The following INTS7 variants were observed in gnomAD, a reference collection of about 807,000 sequenced individuals.
INTS7 encodes chromosome 1 open reading frame 73.
Under a neutral mutation model 109.2 loss-of-function variants are expected in INTS7, and 46 were observed. That is an observed-to-expected ratio of 0.42 (90% CI 0.33 to 0.54). The LOEUF (loss-of-function observed/expected upper bound fraction) is 0.54. INTS7 is among the 20% of genes least tolerant of loss of function. The probability of loss-of-function intolerance (pLI) is 0.07; values close to 1 mark genes in which losing one functional copy is unlikely to be tolerated. For missense variants in INTS7, 929 were observed against 1,132.4 expected, an observed-to-expected ratio of 0.82 and a Z score of 2.58; for synonymous variants, 412 against 402.9, an observed-to-expected ratio of 1.02 and a Z score of -0.27.
intron 7 of INTS7, among the ~76,000 whole-genome samples, chr1:212,001,866 A>T (rs1460821760): frequency 6.6e-6 from 1 of 152,136 alleles, no homozygotes; most frequent in African/African-American, 2.4e-5. Context: ...TCAGTTCATC[A>T]TTCCCTAAAT....
Position 212,011,435 on chromosome 1 carries a change from G to A in INTS7, c.510-14C>T, listed in dbSNP as rs1558052695. On this transcript the variant is annotated splice_polypyrimidine_tract_variant and intron_variant, in intron 4 of 19. Transcript: ENST00000366994. ...ACAGCAAAATCCCTTTGGAAAAAGA[G>A]AACAGAGAACAGAAAAAACTTACAT... The A allele has an allele frequency of 1.3e-6, 2 of 1,532,648 alleles. No homozygotes were observed. The highest frequency in any genetic ancestry group is 1.8e-6 in the Non-Finnish European group (2 of 1,121,360). 94.9% of individuals were successfully genotyped at this position (1,532,648 alleles called of 1,614,324 possible).
At chr1:211,992,481 T>C (rs1359399729) in intron 7 of INTS7, among the ~76,000 whole-genome samples, 1 of 152,088 alleles carries the variant, frequency 6.6e-6, no homozygotes, top group Non-Finnish European at 1.5e-5. Flanking sequence ...TAAATATTCG[T>C]TTAAGCCTGG....
At chr1:211,981,743 G>T (rs906880998) in intron 9 of INTS7, among the ~76,000 whole-genome samples, 1 of 152,038 alleles carries the variant, frequency 6.6e-6, no homozygotes, top group African/African-American at 2.4e-5. Flanking sequence ...CACTACCATA[G>T]GGTTAAAATT....
At chr1:211,983,841 G>GTTCGT (rs772200468) in intron 8 of INTS7, among the ~76,000 whole-genome samples, 20 of 137,202 alleles carry the variant, frequency 1.5e-4, no homozygotes, top group African/African-American at 4.9e-4. Flanking sequence ...TTGGGTTTTT[G>GTTCGT]TTTGTTTTGT....
chr1:211,995,805 G>T (rs1665355809), intron 7 of INTS7, among the ~76,000 whole-genome samples: 1 of 152,134 alleles, frequency 6.6e-6, no homozygotes, highest in African/African-American at 2.4e-5. Flanking sequence ...GAAGCACAAG[G>T]GAGTGTGGTC....
chr1:211,957,068 C>T lies in INTS7; in HGVS notation c.2184-4367G>A, dbSNP rs557388416. ...CATACTAGTATGAATTCAAGCTCCTCCACATCTGCACCAACATTGGACACT... is the reference window on the plus strand; with the variant it reads ...CATACTAGTATGAATTCAAGCTCCTTCACATCTGCACCAACATTGGACACT... On this transcript the variant is annotated intron_variant, in intron 16 of 19. Transcript: ENST00000366994. Among the ~76,000 whole-genome samples, 4 of 152,320 alleles carry T rather than the reference C, an allele frequency of 2.6e-5. 1 individual carries two copies. In the East Asian group the frequency reaches 7.7e-4, roughly 29 times the overall value.
At chr1:212,015,080 G>A (rs964052921) in intron 4 of INTS7, among the ~76,000 whole-genome samples, 10 of 141,766 alleles carry the variant, frequency 7.1e-5, no homozygotes, top group African/African-American at 1.6e-4. Context: ...CGCCCCATCC[G>A]GGAGGTGGGG....
intron 18 of INTS7, among the ~76,000 whole-genome samples, chr1:211,945,791 A>T (rs1172595396): frequency 3.9e-5 from 6 of 152,222 alleles, no homozygotes; most frequent in Non-Finnish European, 8.8e-5. Context: ...CAACAATTTC[A>T]TTTTCTGAAT....
chr1:211,944,708 T>C (rs931921854), intron 19 of INTS7, 76 bp downstream of exon 19: 1 of 1,232,700 alleles, frequency 8.1e-7, no homozygotes, highest in Non-Finnish European at 1.2e-6. Flanking sequence ...TATTTAACCA[T>C]GAAAAACACT....
At position 211,987,886 on chromosome 1, in the gene INTS7, C is replaced by G; in HGVS notation, c.997G>C (p.Gly333Arg). 6.6e-7 allele frequency: 1 copy of G among 1,519,840 alleles called. No homozygotes were observed. Among genetic ancestry groups the G allele is most frequent in the Non-Finnish European group, 9.1e-7 (1 of 1,098,656 alleles). 94.1% of individuals were successfully genotyped at this position (1,519,840 alleles called of 1,614,324 possible). A position where few individuals can be genotyped will look rare whatever the true frequency, so the allele number is the denominator to read the frequency against. Residue 333 changes from glycine to arginine, a missense_variant and splice_region_variant, in exon 8 of 20, where the codon GGA becomes CGA. Transcript: ENST00000366994. ...AIKHYFSIVP[G>R]NVSSSPRSSD... ...ATGGTATCTCCTGTCTTTTCCTTAC[C>G]TGGAACTATACTGAAGTAATGTTTG...
At position 212,006,362 on chromosome 1, in the gene INTS7, T is replaced by C. The variant is rs548653542; in HGVS notation, c.879+277A>G. Among the ~76,000 whole-genome samples the C allele has an allele frequency of 4.6e-5, 7 of 152,258 alleles. No individual in the cohort carries two copies. The South Asian group carries it at 1.0e-3, about 23-fold the overall frequency. ...GAATAAAAAAACCAAACCAATGTAA[T>C]TGGGCTTCTCAATTAGCCTTAGTGC... is the stretch of plus-strand genomic sequence containing the variant. On this transcript the variant is annotated intron_variant, in intron 7 of 19. Coordinates refer to ENST00000366994, the MANE Select transcript of INTS7 (RefSeq NM_015434.4).
intron 3 of INTS7, among the ~76,000 whole-genome samples, chr1:212,019,015 C>T (rs566081000): frequency 1.7e-4 from 26 of 152,074 alleles, no homozygotes; most frequent in Non-Finnish European, 3.1e-4. Context: ...TATGGGAGGC[C>T]GAAGCGGGCA....
chr1:211,971,915 C>CAAAAAAAAA (rs745814699), intron 13 of INTS7, among the ~76,000 whole-genome samples: 41 of 79,764 alleles, frequency 5.1e-4, no homozygotes, highest in East Asian at 8.6e-4. Context: ...AACTCAGTCT[C>CAAAAAAAAA]AAAAAAAAAA....
chr1:211,985,142 G>A (rs1664838999), intron 8 of INTS7, among the ~76,000 whole-genome samples: 3 of 151,982 alleles, frequency 2.0e-5, no homozygotes, highest in South Asian at 4.1e-4. Flanking sequence ...ATTTATATTC[G>A]CAGCAGTAAT....
chr1:212,014,005 A>C (rs1431266781), intron 4 of INTS7, among the ~76,000 whole-genome samples: 1 of 152,242 alleles, frequency 6.6e-6, no homozygotes, highest in Non-Finnish European at 1.5e-5. Flanking sequence ...TGAGGGAAAA[A>C]AATGCTTATT....
chr1:211,957,004 A>T (rs1322550417), intron 16 of INTS7, among the ~76,000 whole-genome samples: 1 of 152,216 alleles, frequency 6.6e-6, no homozygotes, highest in Non-Finnish European at 1.5e-5. Flanking sequence ...ATTGTCAAAC[A>T]GTTTTCCAAG....
chr1:212,016,908 C>A lies in INTS7; in HGVS notation c.487G>T (p.Ala163Ser), dbSNP rs773066469. ...VEVEAAVFAA[A>S]NFSAQSKDFA... ...TACTTTGACTGTGCAGAGAAGTTTG[C>A]AGCAGCAAAAACAGCAGCTTCAACT... Residue 163 changes from alanine (A) to serine (S), a missense_variant, in exon 4 of 20, where the codon GCA (alanine) becomes TCA (serine). Physicochemically the swap from Ala to Ser is moderately conservative, Grantham distance 99. This residue lies in a region of INTS7 where 142 missense variants were observed against 231.4 expected (regional missense o/e 0.61). Coordinates refer to ENST00000366994, the MANE Select transcript of INTS7 (RefSeq NM_015434.4). 6.2e-7 allele frequency: 1 copy of A among 1,606,814 alleles called. No homozygotes were observed. Among genetic ancestry groups the A allele is most frequent in the South Asian group, 1.1e-5 (1 of 89,360 alleles).
chr1:212,014,950 C>A (rs897635382), intron 4 of INTS7, among the ~76,000 whole-genome samples: 1 of 152,224 alleles, frequency 6.6e-6, no homozygotes, highest in Admixed American at 6.5e-5. Context: ...TGTGCCCGGC[C>A]GCCACCCCGT....
At chr1:211,968,052 CAAAAA>C (rs958446246) in intron 14 of INTS7, 71 bp from the exon 15 acceptor site, 4 of 735,070 alleles carry the variant, frequency 5.4e-6, no homozygotes, top group Non-Finnish European at 8.6e-6. Context: ...AAAACCAAAA[CAAAAA>C]AAAGCACCTT....
Sources: allele counts gnomAD v4.1 joint callset (sites outside exome capture counted in the v4.1 genomes callset), GRCh38; gene constraint gnomAD v4.1.1; regional missense constraint gnomAD v4.1.1; transcripts MANE v1.5; gene names NCBI Gene and HGNC (gene_info 2026-07-23, HGNC 2026-07-21).